Variants in FSTL5 observed in about 807,000 individuals in gnomAD.
The protein encoded by FSTL5 is follistatin-related protein 5.
A neutral mutation model predicts 89.1 loss-of-function variants in FSTL5; 62 were observed. That is an observed-to-expected ratio of 0.70 (90% CI 0.57 to 0.86). The LOEUF is 0.86. Among genes scored for constraint, FSTL5 ranks in the 40% least tolerant of loss-of-function variants. FSTL5 has a pLI of 0.00. For missense variants in FSTL5, 1,057 were observed against 1,001.6 expected (o/e 1.06, Z -0.75); for synonymous variants, 383 against 346.2 (o/e 1.11, Z -1.18).
intron 6 of FSTL5, among the ~76,000 whole-genome samples, chr4:161,710,521 C>CT (rs771552104): frequency 1.3e-4 from 20 of 152,184 alleles, no homozygotes; most frequent in Non-Finnish European, 2.5e-4. Flanking sequence ...ATATGGCTTC[C>CT]TTTTTTGTTG....
chr4:162,012,126 C>T (rs951062396), intron 3 of FSTL5, among the ~76,000 whole-genome samples: 2 of 152,106 alleles, frequency 1.3e-5, no homozygotes, highest in African/African-American at 4.8e-5. Context: ...CGGTAATATC[C>T]ACGAATATAC....
At chr4:161,437,997 G>T (rs1732630510) in intron 15 of FSTL5, among the ~76,000 whole-genome samples, 1 of 152,130 alleles carries the variant, frequency 6.6e-6, no homozygotes, top group African/African-American at 2.4e-5. Flanking sequence ...TGTTGGCGGA[G>T]GATTAATGGT....
chr4:161,504,238 A>C (rs1730397896), intron 11 of FSTL5, among the ~76,000 whole-genome samples: 1 of 151,964 alleles, frequency 6.6e-6, no homozygotes, highest in Admixed American at 6.6e-5. Context: ...AATACTAAAT[A>C]TTAGTAGATA....
chr4:161,875,840 T>C (rs1027505789), intron 4 of FSTL5, among the ~76,000 whole-genome samples: 4 of 152,214 alleles, frequency 2.6e-5, no homozygotes, highest in African/African-American at 9.6e-5. Context: ...GAATTCTCAC[T>C]ATTACTTTGT....
At chr4:161,443,794 A>C (rs1732856055) in intron 15 of FSTL5, among the ~76,000 whole-genome samples, 1 of 151,852 alleles carries the variant, frequency 6.6e-6, no homozygotes, top group Non-Finnish European at 1.5e-5. Flanking sequence ...TGGAAAGGGC[A>C]CTGTAGACAA....
chr4:161,936,751 T>TGG (rs1341617163), intron 3 of FSTL5, among the ~76,000 whole-genome samples: 3 of 152,104 alleles, frequency 2.0e-5, no homozygotes, highest in Non-Finnish European at 4.4e-5. Flanking sequence ...CTAAACCATA[T>TGG]GGAATCTGGA....
chr4:161,899,943 C>A, intron 4 of FSTL5, among the ~76,000 whole-genome samples: 1 of 152,098 alleles, frequency 6.6e-6, no homozygotes, highest in Non-Finnish European at 1.5e-5. Flanking sequence ...TCCTGTAATA[C>A]CAGCAAAATT....
intron 15 of FSTL5, among the ~76,000 whole-genome samples, chr4:161,398,605 T>C (rs1731079370): frequency 6.6e-6 from 1 of 152,120 alleles, no homozygotes; most frequent in Non-Finnish European, 1.5e-5. Context: ...TACTCAACTT[T>C]TCAACTTCAT....
At chr4:162,028,008 T>C (rs2111180178) in intron 3 of FSTL5, among the ~76,000 whole-genome samples, 1 of 152,292 alleles carries the variant, frequency 6.6e-6, no homozygotes, top group Non-Finnish European at 1.5e-5. Context: ...AACACTTAAT[T>C]ATTTTTTAAG....
At chr4:161,516,675 G>T (rs1730846120) in intron 10 of FSTL5, among the ~76,000 whole-genome samples, 3 of 132,068 alleles carry the variant, frequency 2.3e-5, no homozygotes, top group East Asian at 4.2e-4. Flanking sequence ...CACACACTAA[G>T]TATATATGTA....
intron 2 of FSTL5, among the ~76,000 whole-genome samples, chr4:162,061,389 A>G (rs1486395713): frequency 6.6e-6 from 1 of 152,188 alleles, no homozygotes; most frequent in Admixed American, 6.6e-5. Context: ...GGCATGTGCA[A>G]TGACTCATTC....
chr4:161,736,757 G>T (rs144579541), intron 6 of FSTL5, among the ~76,000 whole-genome samples: 1 of 152,108 alleles, frequency 6.6e-6, no homozygotes. Context: ...GTTAAAAACA[G>T]ATTCCTCTGT....
chr4:161,889,642 G>A (rs551904904), intron 4 of FSTL5, among the ~76,000 whole-genome samples: 149 of 152,094 alleles, frequency 9.8e-4, no homozygotes, highest in African/African-American at 3.3e-3. Flanking sequence ...AAACTCTGTC[G>A]AATAAATAAA....
intron 7 of FSTL5, among the ~76,000 whole-genome samples, chr4:161,601,261 A>C (rs565427764): frequency 1.6e-4 from 25 of 151,774 alleles, no homozygotes; most frequent in East Asian, 5.8e-4. Context: ...GAAACCAAAC[A>C]AAACAAAACA....
intron 3 of FSTL5, among the ~76,000 whole-genome samples, chr4:161,994,703 C>A (rs2086753): frequency 0.027 from 4,117 of 152,254 alleles, 212 homozygotes; most frequent in East Asian, 0.21. Flanking sequence ...CTGTTATGTG[C>A]TTTTCCTACT....
At chr4:161,894,051 C>T (rs1733076108) in intron 4 of FSTL5, among the ~76,000 whole-genome samples, 3 of 152,208 alleles carry the variant, frequency 2.0e-5, no homozygotes, top group Non-Finnish European at 2.9e-5. Flanking sequence ...ATAAAATGAT[C>T]AAAGTTGGGG....
intron 2 of FSTL5, among the ~76,000 whole-genome samples, chr4:162,041,506 G>C (rs1352798078): frequency 6.6e-6 from 1 of 151,940 alleles, no homozygotes; most frequent in Non-Finnish European, 1.5e-5. Flanking sequence ...ACACAATCTG[G>C]AAAAGTTATA....
intron 11 of FSTL5, among the ~76,000 whole-genome samples, chr4:161,506,063 C>T (rs904663113): frequency 7.2e-5 from 11 of 151,848 alleles, no homozygotes; most frequent in African/African-American, 2.7e-4. Context: ...TTTATAGGCC[C>T]TGTTATTTCT....
rs187545296 is a variant in FSTL5 at position 161,587,740 on chromosome 4, T to C, written c.895-165A>G. On this transcript the variant is annotated intron_variant, in intron 7 of 15. Transcript: ENST00000306100. ...TATAAGCGTAAAGGATCTGTAATTA[T>C]AATTTTCTAACAATATGTTTTGTTT... Among the ~76,000 whole-genome samples the C allele has an allele frequency of 4.3e-4, 66 of 152,354 alleles. 2 individuals are homozygous for C. The East Asian group carries it at 0.01, about 24-fold the overall frequency.
Sources: gnomAD v4.1 joint callset for allele counts (sites outside exome capture counted in the v4.1 genomes callset) on GRCh38, gnomAD v4.1.1 for gene constraint, MANE v1.5 for transcripts, NCBI Gene and HGNC (gene_info 2026-07-23, HGNC 2026-07-21) for gene names.